Variants in SOX5 observed in about 807,000 individuals in gnomAD.
SOX5 encodes SRY-box transcription factor 5.
In SOX5, 9 loss-of-function variants were observed where a neutral mutation model predicts 92.0. The ratio of observed to expected loss-of-function variants is 0.10; its 90% CI spans 0.06 to 0.17. SOX5 has a LOEUF of 0.17. Among genes scored for constraint, SOX5 ranks in the 10% least tolerant of loss-of-function variants. SOX5 has a pLI of 1.00. For missense variants in SOX5, 642 were observed against 944.5 expected, an observed-to-expected ratio of 0.68 and a Z score of 4.20; for synonymous variants, 344 against 336.3, an observed-to-expected ratio of 1.02 and a Z score of -0.25.
intron 1 of SOX5, among the ~76,000 whole-genome samples, chr12:24,406,429 A>G (rs886966928): frequency 2.0e-5 from 3 of 152,140 alleles, no homozygotes; most frequent in African/African-American, 7.2e-5. Context: ...CCAGCTTAAT[A>G]TAACATTCGT....
chr12:23,856,688 CAA>C (rs763859410), intron 2 of SOX5, among the ~76,000 whole-genome samples: 2 of 151,990 alleles, frequency 1.3e-5, no homozygotes, highest in East Asian at 3.9e-4. Context: ...TCTCTCTCTT[CAA>C]AGAGTTTAAA....
chr12:24,452,608 G>A (rs1355003), intron 1 of SOX5, among the ~76,000 whole-genome samples: 29,833 of 152,122 alleles, frequency 0.2, 3,056 homozygotes, highest in Middle Eastern at 0.26. Context: ...CTGCCTGTTA[G>A]AATATTTTTA....
chr12:24,204,277 G>A (rs574257156), intron 4 of SOX5, among the ~76,000 whole-genome samples: 3 of 151,616 alleles, frequency 2.0e-5, no homozygotes, highest in African/African-American at 7.2e-5. Context: ...ATGTCATGAT[G>A]AATAATCTTG....
upstream of SOX5, chr12:23,950,994 C>T (rs533861817): frequency 8.9e-5 from 70 of 790,184 alleles, no homozygotes; most frequent in East Asian, 1.7e-3. Flanking sequence ...CACACACACA[C>T]ACACACACAC....
At chr12:23,776,772 T>A (rs1321161474) in intron 3 of SOX5, among the ~76,000 whole-genome samples, 2 of 152,122 alleles carry the variant, frequency 1.3e-5, no homozygotes, top group Non-Finnish European at 2.9e-5. Flanking sequence ...TATAAGAATC[T>A]AATGCTGCTG....
intron 1 of SOX5, among the ~76,000 whole-genome samples, chr12:24,548,266 A>G (rs576385119): frequency 1.3e-5 from 2 of 152,368 alleles, no homozygotes; most frequent in Admixed American, 1.3e-4. Context: ...TGCTCACAAC[A>G]TGATTACAAT....
intron 13 of SOX5, among the ~76,000 whole-genome samples, chr12:23,541,755 C>T (rs1231459987): frequency 6.6e-6 from 1 of 152,050 alleles, no homozygotes; most frequent in African/African-American, 2.4e-5. Flanking sequence ...TGTTTTGATC[C>T]CATTACAAAT....
chr12:23,977,724 T>C (rs1949073812), intron 4 of SOX5, among the ~76,000 whole-genome samples: 1 of 151,304 alleles, frequency 6.6e-6, no homozygotes, highest in Non-Finnish European at 1.5e-5. Context: ...AAACAAAATT[T>C]ATCTCATTAT....
chr12:23,618,661 C>A (rs1235386685), intron 8 of SOX5, among the ~76,000 whole-genome samples: 1 of 152,078 alleles, frequency 6.6e-6, no homozygotes, highest in Admixed American at 6.6e-5. Context: ...ATCACCATAA[C>A]AATTTTGTGA....
intron 2 of SOX5, among the ~76,000 whole-genome samples, chr12:23,861,267 A>G (rs910463603): frequency 2.6e-5 from 4 of 152,158 alleles, no homozygotes; most frequent in African/African-American, 9.7e-5. Context: ...ATAAAGGGAG[A>G]AAATGAAATG....
At chr12:24,380,663 G>C (rs496093) in intron 1 of SOX5, among the ~76,000 whole-genome samples, 94,484 of 151,984 alleles carry the variant, frequency 0.62, 29,505 homozygotes, top group Middle Eastern at 0.66. Flanking sequence ...AAACTCCATC[G>C]CTGGGCTGAG....
intron 5 of SOX5, among the ~76,000 whole-genome samples, chr12:23,740,664 A>G (rs1233840042): frequency 1.3e-5 from 2 of 152,148 alleles, no homozygotes; most frequent in African/African-American, 2.4e-5. Context: ...ACTTACCACC[A>G]AAGTAGTTAA....
chr12:24,343,338 C>G (rs1421317838), intron 2 of SOX5, among the ~76,000 whole-genome samples: 1 of 151,884 alleles, frequency 6.6e-6, no homozygotes, highest in African/African-American at 2.4e-5. Context: ...CGGCTTGCTC[C>G]TTGGGTCCCT....
intron 3 of SOX5, among the ~76,000 whole-genome samples, chr12:23,770,055 T>TG (rs746499676): frequency 2.0e-5 from 3 of 150,564 alleles, no homozygotes; most frequent in Admixed American, 6.6e-5. Flanking sequence ...TCTGTTTTTT[T>TG]TTTTTTTTTT....
chr12:23,714,162 G>A (rs1218316923), intron 6 of SOX5, among the ~76,000 whole-genome samples: 2 of 151,176 alleles, frequency 1.3e-5, no homozygotes, highest in Non-Finnish European at 2.9e-5. Flanking sequence ...TTAACTGTTT[G>A]GTATCTGTAT....
chr12:24,382,413 C>T (rs143556855), intron 1 of SOX5, among the ~76,000 whole-genome samples: 3 of 150,774 alleles, frequency 2.0e-5, no homozygotes, highest in Non-Finnish European at 3.0e-5. Flanking sequence ...AGGAAAATGG[C>T]GGAAGGGGAA....
At chr12:23,644,434 T>A (rs2080556192) in intron 7 of SOX5, among the ~76,000 whole-genome samples, 1 of 152,104 alleles carries the variant, frequency 6.6e-6, no homozygotes. Flanking sequence ...GCTAATTTAT[T>A]GAAGTAGGAA....
chr12:23,894,251 T>A (rs1317385285), intron 2 of SOX5, among the ~76,000 whole-genome samples: 4 of 152,262 alleles, frequency 2.6e-5, no homozygotes, highest in Middle Eastern at 6.8e-3. Flanking sequence ...ATTTTTGAGA[T>A]GGAGTCTCAC....
At chr12:24,154,607 A>G (rs1294494813) in intron 4 of SOX5, among the ~76,000 whole-genome samples, 1 of 152,176 alleles carries the variant, frequency 6.6e-6, no homozygotes, top group African/African-American at 2.4e-5. Context: ...GGAGGCATTA[A>G]AAAAATTTAT....
Sources: allele counts gnomAD v4.1 joint callset (sites outside exome capture counted in the v4.1 genomes callset), GRCh38; gene constraint gnomAD v4.1.1; transcripts MANE v1.5; gene names NCBI Gene and HGNC (gene_info 2026-07-23, HGNC 2026-07-21).